The following PIGU variants were observed in gnomAD, a reference collection of about 807,000 sequenced individuals.
The protein encoded by PIGU is phosphatidylinositol glycan anchor biosynthesis class U.
A neutral mutation model predicts 49.9 loss-of-function variants in PIGU; 24 were observed. That is an observed-to-expected ratio of 0.48 (90% CI 0.35 to 0.68). The LOEUF is 0.68. Ranked by LOEUF, PIGU falls within the 30% of genes least tolerant of loss-of-function variation. The pLI is 0.01. For missense variants in PIGU, 490 were observed against 532.6 expected (o/e 0.92, Z 0.79); for synonymous variants, 220 against 205.7 (o/e 1.07, Z -0.59).
In PIGU at chr20:34,616,139, C is replaced by T. The variant is rs1266317252; in HGVS notation, c.530G>A (p.Gly177Asp). Residue 177 changes from glycine to aspartate, a missense_variant and splice_region_variant, in exon 7 of 12, where the codon GGC (glycine) becomes GAC (aspartate). Transcript: ENST00000217446. ...AAAAATAGCACTGAGGAAAGCACTG[C>T]CTGTAAAAAGAAAGAAATGTATGGA... ...IAFFILTTIKGSAFLSAIFLA... is the reference protein window; with the variant it reads ...IAFFILTTIKDSAFLSAIFLA... The T allele has an allele frequency of 6.2e-7, 1 of 1,611,960 alleles. No homozygotes were observed. The highest frequency in any genetic ancestry group is 1.1e-5 in the South Asian group (1 of 90,614).
intron 6 of PIGU, among the ~76,000 whole-genome samples, chr20:34,618,523 T>C (rs1315566856): frequency 1.3e-5 from 2 of 152,168 alleles, no homozygotes; most frequent in African/African-American, 4.8e-5. Context: ...GGTTCACAAA[T>C]GTAATCCCAG....
intron 11 of PIGU, among the ~76,000 whole-genome samples, chr20:34,568,632 GAC>G (rs957155440): frequency 1.3e-5 from 2 of 152,274 alleles, no homozygotes; most frequent in South Asian, 4.1e-4. Context: ...TTCCCAGAAT[GAC>G]ACACCAGGCC....
At chr20:34,579,177 C>T (rs1323964187) in intron 10 of PIGU, 1 of 152,166 alleles carries the variant, frequency 6.6e-6, no homozygotes, top group Admixed American at 6.5e-5. Flanking sequence ...TCTTTTATCG[C>T]TATACAATAG....
chr20:34,662,551 G>C (rs1986960117), intron 1 of PIGU, among the ~76,000 whole-genome samples: 1 of 151,938 alleles, frequency 6.6e-6, no homozygotes, highest in African/African-American at 2.4e-5. Context: ...CCTGCCACCA[G>C]ACCACCTAAT....
chr20:34,570,341 C>G (rs917465222), intron 11 of PIGU, among the ~76,000 whole-genome samples: 1 of 152,210 alleles, frequency 6.6e-6, no homozygotes, highest in Non-Finnish European at 1.5e-5. Context: ...CATCTGAGCA[C>G]GTGATCAGAA....
intron 9 of PIGU, among the ~76,000 whole-genome samples, chr20:34,585,013 T>C (rs1327641673): frequency 1.3e-5 from 2 of 152,088 alleles, no homozygotes; most frequent in Non-Finnish European, 2.9e-5. Flanking sequence ...TTTTAAATTT[T>C]TTGTAGATAC....
At chr20:34,647,910 G>C (rs948725728) in intron 2 of PIGU, among the ~76,000 whole-genome samples, 1 of 151,990 alleles carries the variant, frequency 6.6e-6, no homozygotes, top group Non-Finnish European at 1.5e-5. Flanking sequence ...CATCCTTATT[G>C]ATTTTTTTGG....
intron 11 of PIGU, among the ~76,000 whole-genome samples, chr20:34,568,989 G>A (rs1213830927): frequency 3.3e-5 from 5 of 152,012 alleles, no homozygotes; most frequent in Admixed American, 2.6e-4. Flanking sequence ...GCAGGAGTTT[G>A]GCTTGAGCTC....
chr20:34,646,057 A>G (rs967389832), intron 2 of PIGU, among the ~76,000 whole-genome samples: 6 of 152,116 alleles, frequency 3.9e-5, no homozygotes, highest in African/African-American at 2.4e-5. Context: ...CTGTTCTCTG[A>G]TAAGTTTGTA....
Position 34,631,721 on chromosome 20 carries a change from CCATATATATATATATATATATATATATA to C in PIGU, c.529+2866_529+2893del, listed in dbSNP as rs1370037902. On this transcript the variant is annotated intron_variant, in intron 6 of 11. Coordinates refer to ENST00000217446, the MANE Select transcript of PIGU (RefSeq NM_080476.5). ...GGTGCCAGCCACCATGTCCGGCTAA[CCATATATATATATATATATATATATATA>C]TATATATATATATATATATATATAT... is the stretch of plus-strand genomic sequence containing the variant. Among the ~76,000 whole-genome samples, 275 of 46,144 alleles carry C rather than the reference CCATATATATATATATATATATATATATA, an allele frequency of 6.0e-3. 11 individuals are homozygous for C. Among genetic ancestry groups the C allele is most frequent in the African/African-American group, 0.016 (266 of 16,466 alleles). 30.3% of individuals were successfully genotyped at this position (46,144 alleles called of 152,430 possible).
intron 11 of PIGU, among the ~76,000 whole-genome samples, chr20:34,562,030 T>G (rs1313693791): frequency 6.6e-6 from 1 of 152,166 alleles, no homozygotes; most frequent in Non-Finnish European, 1.5e-5. Context: ...CCCAGCTCAG[T>G]CTGTCTGTCC....
At chr20:34,572,179 T>C (rs994797001) in intron 11 of PIGU, among the ~76,000 whole-genome samples, 5 of 152,088 alleles carry the variant, frequency 3.3e-5, no homozygotes, top group African/African-American at 1.2e-4. Flanking sequence ...ATTTTATTTA[T>C]TTACTATTTA....
At chr20:34,591,275 A>G (rs1352581006) in intron 7 of PIGU, among the ~76,000 whole-genome samples, 1 of 152,216 alleles carries the variant, frequency 6.6e-6, no homozygotes, top group East Asian at 1.9e-4. Flanking sequence ...CTCAAAATAT[A>G]TAAAACAAAA....
At chr20:34,674,309 C>T (rs1853057) in intron 1 of PIGU, among the ~76,000 whole-genome samples, 11 of 151,414 alleles carry the variant, frequency 7.3e-5, no homozygotes, top group Non-Finnish European at 1.6e-4. Flanking sequence ...GAGCCGAGAT[C>T]GCGCCATTGC....
intron 6 of PIGU, among the ~76,000 whole-genome samples, chr20:34,632,827 C>T (rs1985830495): frequency 1.3e-5 from 2 of 151,428 alleles, no homozygotes; most frequent in Admixed American, 6.6e-5. Flanking sequence ...AGAGAACAAC[C>T]AGGACAGACT....
rs748194203 is a variant in PIGU at position 34,585,422 on chromosome 20, G to C, written c.926+15C>G. On this transcript the variant is annotated intron_variant, in intron 9 of 11. Coordinates refer to ENST00000217446, the MANE Select transcript of PIGU (RefSeq NM_080476.5). ...CAGCTCTGTACACACAGCAGCAGCA[G>C]GTCCAGCCACTTACTTTAGCTTTAT... The C allele has an allele frequency of 1.2e-6, 2 of 1,613,576 alleles. No homozygotes were observed. Among genetic ancestry groups the C allele is most frequent in the African/African-American group, 1.3e-5 (1 of 74,912 alleles).
At chr20:34,575,015 G>T in intron 11 of PIGU, 89 bp downstream of exon 11, 17 of 1,525,960 alleles carry the variant, frequency 1.1e-5, no homozygotes, top group Middle Eastern at 1.7e-4. Context: ...TGCACCCCCC[G>T]GTATGCAGAA....
chr20:34,618,261 T>C (rs1017179422), intron 6 of PIGU, among the ~76,000 whole-genome samples: 1 of 152,208 alleles, frequency 6.6e-6, no homozygotes, highest in African/African-American at 2.4e-5. Flanking sequence ...AAAAAGCTAA[T>C]TTCTTTGAAA....
chr20:34,606,494 T>C (rs748536058), intron 7 of PIGU, among the ~76,000 whole-genome samples: 7 of 152,310 alleles, frequency 4.6e-5, no homozygotes, highest in Middle Eastern at 3.4e-3. Context: ...TAAAATACCA[T>C]AGTACATTCT....
Sources: allele counts gnomAD v4.1 joint callset (sites outside exome capture counted in the v4.1 genomes callset), GRCh38; gene constraint gnomAD v4.1.1; transcripts MANE v1.5; gene names NCBI Gene and HGNC (gene_info 2026-07-23, HGNC 2026-07-21).